Variants in ULBP2 observed in about 807,000 individuals in gnomAD.
ULBP2 encodes UL16-binding protein 2.
A neutral mutation model predicts 23.6 loss-of-function variants in ULBP2; 21 were observed. The observed-to-expected ratio is 0.89, with a 90% CI of 0.63 to 1.28. ULBP2 has a LOEUF of 1.28. ULBP2 is among the 50% of genes most tolerant of loss of function. The pLI, the probability that ULBP2 is intolerant of heterozygous loss-of-function variation, is 0.00. For synonymous variants in ULBP2, 82 were observed against 112.8 expected (o/e 0.73, Z 1.73); for missense variants, 251 against 306.0 (o/e 0.82, Z 1.34).
In ULBP2 at chr6:149,945,470, G is replaced by A; in HGVS notation, c.247G>A (p.Val83Ile). 1.2e-6 allele frequency: 2 copies of A among 1,614,038 alleles called. No homozygotes were observed. The highest frequency in any genetic ancestry group is 1.7e-6 in the Non-Finnish European group (2 of 1,179,884). ...PVSPLGKKLN[V>I]TTAWKAQNPV... ...CAGTCCCCTGGGGAAGAAACTAAAT[G>A]TCACAACGGCCTGGAAAGCACAGAA... The change falls in exon 2 of 5, where the codon GTC (valine) becomes ATC (isoleucine). Residue 83 changes from valine (V) to isoleucine (I), a missense_variant. By Grantham distance (29) the Val-to-Ile change is conservative (BLOSUM62 3). This residue lies in a region of ULBP2 where 248 missense variants were observed against 258.9 expected (regional missense o/e 0.96). Transcript: ENST00000367351.
At position 149,942,067 on chromosome 6, in the gene ULBP2, T is replaced by A; in HGVS notation, c.-6T>A. ...AGTCTCTCATCCCTAGCGCTCTGGG[T>A]CCTTAATGGCAGCAGCCGCCGCTAC... On this transcript the variant is annotated 5_prime_UTR_variant, in exon 1 of 5. Transcript: ENST00000367351. The A allele has an allele frequency of 6.2e-7, 1 of 1,613,018 alleles. No individual in the cohort carries two copies. The highest frequency in any genetic ancestry group is 2.2e-5 in the East Asian group (1 of 44,848).
Position 149,946,362 on chromosome 6 carries a change from A to G in ULBP2, c.350-10A>G, listed in dbSNP as rs1778940497. 1.2e-6 allele frequency: 2 copies of G among 1,609,226 alleles called. No individual in the cohort carries two copies. Among genetic ancestry groups the G allele is most frequent in the Non-Finnish European group, 1.7e-6 (2 of 1,176,478 alleles). ...CAAGATCAGAGCTGATCTCTCTCTG[A>G]TGGGGGCAGAACCCCTCACCCTGCA... On this transcript the variant is annotated splice_polypyrimidine_tract_variant and intron_variant, in intron 2 of 4. Transcript: ENST00000367351.
chr6:149,942,263 C>A lies in ULBP2; in HGVS notation c.85+106C>A, dbSNP rs375424686. ...AGGCTTCTAGAAGGACGGGGGAGATCTCCCCTAACTGCGCCCCCGTTCAGT... is the reference window on the plus strand; with the variant it reads ...AGGCTTCTAGAAGGACGGGGGAGATATCCCCTAACTGCGCCCCCGTTCAGT... On this transcript the variant is annotated intron_variant, in intron 1 of 4. Transcript: ENST00000367351. 878 of 1,208,138 alleles carry A rather than the reference C, an allele frequency of 7.3e-4. 7 individuals are homozygous for A. The African/African-American group carries it at 9.3e-3, about 13-fold the overall frequency. The allele number at this position is 1,208,138 out of a possible 1,614,324, so 74.8% of individuals were successfully genotyped here. A position where few individuals can be genotyped will look rare whatever the true frequency, so the allele number is the denominator to read the frequency against.
intron 1 of ULBP2, 78 bp downstream of exon 1, chr6:149,942,235 G>A: frequency 6.8e-7 from 1 of 1,478,542 alleles, no homozygotes; most frequent in South Asian, 1.3e-5. Flanking sequence ...TTCAGAGGAG[G>A]GGAGGCTTCT....
At chr6:149,944,050 C>A (rs1334728658) in intron 1 of ULBP2, among the ~76,000 whole-genome samples, 1 of 151,974 alleles carries the variant, frequency 6.6e-6, no homozygotes, top group Non-Finnish European at 1.5e-5. Flanking sequence ...ACTCTACTGG[C>A]CATAAATATC....
At chr6:149,946,748 T>C (rs780246506) in intron 3 of ULBP2, 95 bp downstream of exon 3, 12 of 1,566,106 alleles carry the variant, frequency 7.7e-6, no homozygotes, top group African/African-American at 6.8e-5. Flanking sequence ...CATCCCAGTA[T>C]ACACATTCAC....
At chr6:149,942,674 C>G (rs1778881215) in intron 1 of ULBP2, among the ~76,000 whole-genome samples, 1 of 152,142 alleles carries the variant, frequency 6.6e-6, no homozygotes, top group South Asian at 2.1e-4. Flanking sequence ...CTCACCTGCA[C>G]CCAGGGGCTC....
intron 4 of ULBP2, 139 bp from the exon 5 acceptor site, chr6:149,948,584 G>T (rs139775346): frequency 6.9e-6 from 3 of 436,258 alleles, no homozygotes; most frequent in Admixed American, 2.4e-5. Flanking sequence ...AGCTGCAGTC[G>T]CCAGGGTTGA....
intron 1 of ULBP2, among the ~76,000 whole-genome samples, chr6:149,943,413 G>A (rs1053700161): frequency 6.6e-6 from 1 of 152,122 alleles, no homozygotes; most frequent in African/African-American, 2.4e-5. Context: ...CATCCACGGG[G>A]ACCATCAGGT....
In ULBP2 at chr6:149,948,491, A is replaced by G. The variant is rs182419553; in HGVS notation, c.*23-232A>G. Among the ~76,000 whole-genome samples, 608 of 152,232 alleles carry G rather than the reference A, an allele frequency of 4.0e-3. 3 individuals are homozygous for G. The highest frequency in any genetic ancestry group is 0.014 in the African/African-American group (585 of 41,544). On this transcript the variant is annotated intron_variant, in intron 4 of 4. Coordinates refer to ENST00000367351, the MANE Select transcript of ULBP2 (RefSeq NM_025217.4). ...CCATCACTACCAGCTTCAGACCTGC[A>G]GGCCCCTCCACTCCATCCCCTGGTC...
At chr6:149,942,703 C>T (rs1257043399) in intron 1 of ULBP2, among the ~76,000 whole-genome samples, 1 of 152,154 alleles carries the variant, frequency 6.6e-6, no homozygotes, top group African/African-American at 2.4e-5. Flanking sequence ...ACCGCCACCC[C>T]TCCCCTCACC....
chr6:149,943,040 G>C (rs1332431028), intron 1 of ULBP2, among the ~76,000 whole-genome samples: 3 of 152,106 alleles, frequency 2.0e-5, no homozygotes, highest in African/African-American at 7.2e-5. Context: ...GTGTAGACAG[G>C]GGTCAGCAAA....
chr6:149,944,887 T>C (rs1280572731), intron 1 of ULBP2, among the ~76,000 whole-genome samples: 1 of 137,396 alleles, frequency 7.3e-6, no homozygotes, highest in Non-Finnish European at 1.5e-5. Flanking sequence ...CCATCCTCAC[T>C]CTGTTCAACC....
intron 1 of ULBP2, 41 bp downstream of exon 1, chr6:149,942,198 C>A (rs746686324): frequency 5.6e-6 from 9 of 1,595,828 alleles, no homozygotes; most frequent in South Asian, 5.6e-5. Flanking sequence ...GGGGACCAAG[C>A]CTGGAGGGCT....
chr6:149,946,862 C>A (rs539626038), intron 3 of ULBP2, among the ~76,000 whole-genome samples: 1 of 152,200 alleles, frequency 6.6e-6, no homozygotes, highest in African/African-American at 2.4e-5. Context: ...TTCCTCACTG[C>A]ACTTGCTCCT....
chr6:149,945,496 C>T lies in ULBP2; in HGVS notation c.273C>T (p.Asn91=), dbSNP rs777746701. 1.9e-6 allele frequency: 3 copies of T among 1,613,914 alleles called. No homozygotes were observed. The highest frequency in any genetic ancestry group is 1.7e-5 in the Admixed American group (1 of 60,004). The change falls in exon 2 of 5, where the codon AAC becomes AAT. Residue 91 remains asparagine (N), a synonymous_variant. Transcript: ENST00000367351. ...LNVTTAWKAQ[N]PVLREVVDIL... Reference sequence around the variant, plus strand: ...TCACAACGGCCTGGAAAGCACAGAACCCAGTACTGAGAGAGGTGGTGGACA... The same window carrying T: ...TCACAACGGCCTGGAAAGCACAGAATCCAGTACTGAGAGAGGTGGTGGACA...
intron 3 of ULBP2, 130 bp downstream of exon 3, chr6:149,946,783 G>T (rs938612994): frequency 2.6e-5 from 38 of 1,487,006 alleles, no homozygotes; most frequent in Middle Eastern, 1.8e-4. Flanking sequence ...CTCGTGGGGC[G>T]CTCCTCCTGG....
At position 149,943,954 on chromosome 6, in the gene ULBP2, A is replaced by G. The variant is rs556028486; in HGVS notation, c.86-1355A>G. Among the ~76,000 whole-genome samples the G allele has an allele frequency of 9.2e-5, 14 of 151,952 alleles. No individual in the cohort carries two copies. The South Asian group carries it at 2.1e-3, about 23-fold the overall frequency. Reference sequence around the variant, plus strand: ...ATGGATTGTCTATGGCTGCTTTTGAACTTCAACAGCAGAGTTGAGTAGTTA... The same window carrying G: ...ATGGATTGTCTATGGCTGCTTTTGAGCTTCAACAGCAGAGTTGAGTAGTTA... On this transcript the variant is annotated intron_variant, in intron 1 of 4. Transcript: ENST00000367351.
chr6:149,945,670 C>T (rs1235277477), intron 2 of ULBP2, 98 bp downstream of exon 2: 24 of 1,602,216 alleles, frequency 1.5e-5, no homozygotes, highest in South Asian at 4.5e-5. Flanking sequence ...GTCCTGGGCA[C>T]GGTGGCTCAC....
Sources: allele counts gnomAD v4.1 joint callset (sites outside exome capture counted in the v4.1 genomes callset), GRCh38; gene constraint gnomAD v4.1.1; regional missense constraint gnomAD v4.1.1; transcripts MANE v1.5; gene names NCBI Gene and HGNC (gene_info 2026-07-23, HGNC 2026-07-21).